ZNF180: variants seen among roughly 807,000 people sequenced by gnomAD.
The protein encoded by ZNF180 is zinc finger protein 180.
Under a neutral mutation model 11.8 loss-of-function variants are expected in ZNF180, and 11 were observed. That is an observed-to-expected ratio of 0.93 (90% confidence interval 0.59 to 1.55). The LOEUF (loss-of-function observed/expected upper bound fraction) is 1.55. ZNF180 is among the 40% of genes most tolerant of loss of function. ZNF180 has a pLI of 0.00. For synonymous variants in ZNF180, 287 were observed against 257.7 expected (o/e 1.11, Z -1.09); for missense variants, 773 against 781.7 (o/e 0.99, Z 0.13).
At chr19:44,481,303 T>G (rs1263469204) in intron 3 of ZNF180, among the ~76,000 whole-genome samples, 1 of 152,196 alleles carries the variant, frequency 6.6e-6, no homozygotes, top group African/African-American at 2.4e-5. Context: ...CTGCTGTATA[T>G]GCCTCTAAGT....
At position 44,500,347 on chromosome 19, in the gene ZNF180, G is replaced by A; in HGVS notation, c.-116C>T. The A allele has an allele frequency of 6.9e-7, 1 of 1,458,460 alleles. No homozygotes were observed. The highest frequency in any genetic ancestry group is 1.1e-5 in the South Asian group (1 of 87,190). 90.3% of individuals were successfully genotyped at this position (1,458,460 alleles called of 1,614,324 possible). A position where few individuals can be genotyped will look rare whatever the true frequency, so the allele number is the denominator to read the frequency against. On this transcript the variant is annotated 5_prime_UTR_variant, in exon 1 of 5. Transcript: ENST00000592529. ...AGTGCCTAGCACGGCTCTGCGGCAG[G>A]ACGAACTCGGGTTAGGCAACCCCCT...
At chr19:44,492,450 C>T (rs529497885) in intron 2 of ZNF180, among the ~76,000 whole-genome samples, 3 of 152,240 alleles carry the variant, frequency 2.0e-5, no homozygotes, top group East Asian at 3.9e-4. Context: ...GCAGACTTTA[C>T]GAAATGGGAA....
At chr19:44,483,303 C>A (rs984810558) in intron 3 of ZNF180, among the ~76,000 whole-genome samples, 4 of 152,110 alleles carry the variant, frequency 2.6e-5, no homozygotes, top group African/African-American at 9.7e-5. Flanking sequence ...TTTTTAAATT[C>A]TCTTTCAAGT....
chr19:44,497,547 C>T (rs955859460), intron 1 of ZNF180, among the ~76,000 whole-genome samples, 170 bp from the exon 2 acceptor site: 1 of 152,186 alleles, frequency 6.6e-6, no homozygotes, highest in South Asian at 2.1e-4. Context: ...TACTGAGAGT[C>T]CCTCAGTCCC....
Position 44,476,627 on chromosome 19 carries a change from T to C in ZNF180, c.1773A>G (p.Ser591=), listed in dbSNP as rs1969886696. ...GAGTTCTCTGATGTTGAGTAAGGCA[T>C]GAACTCTGTCTGAAGGACTTCCCAC... ...SQCGKSFRQS[S]CLTQHQRTHT... is the part of the protein sequence containing the mutation. The change falls in exon 5 of 5, where the codon TCA becomes TCG. Residue 591 remains serine, a synonymous_variant. Coordinates refer to ENST00000592529, the MANE Select transcript of ZNF180 (RefSeq NM_001278509.3). 6.2e-7 allele frequency: 1 copy of C among 1,613,950 alleles called. No homozygotes were observed. The highest frequency in any genetic ancestry group is 1.3e-5 in the African/African-American group (1 of 74,900).
Position 44,497,269 on chromosome 19 carries a change from T to C in ZNF180, c.51+15A>G. Reference sequence around the variant, plus strand: ...TCAGGCTGCAGACAGACCCAAGCTCTGGGTCTCCACTCACCTGTGCACAGA... The same window carrying C: ...TCAGGCTGCAGACAGACCCAAGCTCCGGGTCTCCACTCACCTGTGCACAGA... On this transcript the variant is annotated intron_variant, in intron 2 of 4. Coordinates refer to ENST00000592529, the MANE Select transcript of ZNF180 (RefSeq NM_001278509.3). The C allele has an allele frequency of 3.9e-6, 6 of 1,552,842 alleles. No individual in the cohort carries two copies. The highest frequency in any genetic ancestry group is 5.2e-6 in the Non-Finnish European group (6 of 1,157,644).
At position 44,476,706 on chromosome 19, in the gene ZNF180, A is replaced by G. The variant is rs139611070; in HGVS notation, c.1694T>C (p.Leu565Pro). ...CGKSFSQSYV[L>P]VVHQRTHTGE... The stretch of plus-strand genomic sequence containing the variant: ...AGTATGAGTTCTCTGATGTACAACA[A>G]GAACATAACTCTGGCTGAAGGATTT... The change falls in exon 5 of 5, where the codon CTT becomes CCT. Residue 565 changes from leucine to proline, a missense_variant. Leu to Pro is a moderately conservative substitution (Grantham distance 98, BLOSUM62 -3). Coordinates refer to ENST00000592529, the MANE Select transcript of ZNF180 (RefSeq NM_001278509.3). 14 of 1,614,222 alleles carry G rather than the reference A, an allele frequency of 8.7e-6. No homozygotes were observed. Among genetic ancestry groups the G allele is most frequent in the Non-Finnish European group, 1.2e-5 (14 of 1,180,016 alleles).
At chr19:44,486,696 G>T (rs1260027374) in intron 2 of ZNF180, among the ~76,000 whole-genome samples, 1 of 152,146 alleles carries the variant, frequency 6.6e-6, no homozygotes, top group Non-Finnish European at 1.5e-5. Context: ...TTGAGCCCAG[G>T]AGTTCGAGCC....
intron 1 of ZNF180, among the ~76,000 whole-genome samples, chr19:44,499,324 T>C (rs570380312): frequency 2.6e-5 from 4 of 152,264 alleles, no homozygotes; most frequent in East Asian, 3.9e-4. Context: ...GTCCCTCTAC[T>C]AACCTGCACA....
chr19:44,478,206 T>C, intron 4 of ZNF180, 60 bp from the exon 5 acceptor site: 1 of 1,448,470 alleles, frequency 6.9e-7, no homozygotes. Context: ...AAAAATGGAA[T>C]AAAGCTAACA....
intron 2 of ZNF180, among the ~76,000 whole-genome samples, chr19:44,489,231 G>C (rs1970354123): frequency 2.4e-5 from 3 of 124,750 alleles, no homozygotes; most frequent in Non-Finnish European, 3.6e-5. Context: ...ACCCCGTCTG[G>C]GAGGTGTACC....
At position 44,476,306 on chromosome 19, in the gene ZNF180, G is replaced by A. The variant is rs928382623; in HGVS notation, c.*96C>T. The A allele has an allele frequency of 9.2e-6, 11 of 1,194,540 alleles. No homozygotes were observed. In the African/African-American group the frequency reaches 1.1e-4, roughly 12 times the overall value. 74.0% of individuals were successfully genotyped at this position (1,194,540 alleles called of 1,614,324 possible). ...GGCTGGAAGTTTTCCCACATATATT[G>A]TTTTTATAGTAGTTCTTCCAACTAC... On this transcript the variant is annotated 3_prime_UTR_variant, in exon 5 of 5. Coordinates refer to ENST00000592529, the MANE Select transcript of ZNF180 (RefSeq NM_001278509.3).
At chr19:44,483,306 T>G (rs1428509994) in intron 3 of ZNF180, among the ~76,000 whole-genome samples, 1 of 152,256 alleles carries the variant, frequency 6.6e-6, no homozygotes, top group Non-Finnish European at 1.5e-5. Flanking sequence ...TTAAATTCTC[T>G]TTCAAGTATT....
Position 44,495,984 on chromosome 19 carries a change from T to C in ZNF180, c.51+1300A>G, listed in dbSNP as rs1261713841. ...TTAACAGTTTTAAGAAATTAAGAGT[T>C]TTCAAAGAATATTTGCGGTGGGAAA... is the stretch of plus-strand genomic sequence containing the variant. On this transcript the variant is annotated intron_variant, in intron 2 of 4. Transcript: ENST00000592529. The surrounding 1 kb of genome is among the most constrained non-coding windows in gnomAD (Gnocchi z 4.5). Among the ~76,000 whole-genome samples, 3 of 152,128 alleles carry C rather than the reference T, an allele frequency of 2.0e-5. No homozygotes were observed. The highest frequency in any genetic ancestry group is 4.8e-5 in the African/African-American group (2 of 41,432).
chr19:44,475,846 A>AT lies in ZNF180; in HGVS notation c.*555dup, dbSNP rs1249135038. On this transcript the variant is annotated 3_prime_UTR_variant, in exon 5 of 5. Transcript: ENST00000592529. ...ATTCTTTTCCCACACTTTTCACTATATATCATAGACACTTTCCTAAAATTT... is the reference window on the plus strand; with the variant it reads ...ATTCTTTTCCCACACTTTTCACTATATTATCATAGACACTTTCCTAAAATTT... 1 of 152,258 alleles carries AT rather than the reference A, an allele frequency of 6.6e-6. No homozygotes were observed. Among genetic ancestry groups the AT allele is most frequent in the African/African-American group, 2.4e-5 (1 of 41,448 alleles). The allele number at this position is 152,258 out of a possible 1,614,324, so 9.4% of individuals were successfully genotyped here. A position where few individuals can be genotyped will look rare whatever the true frequency, so the allele number is the denominator to read the frequency against.
At position 44,476,229 on chromosome 19, in the gene ZNF180, G is replaced by A. The variant is rs1352669944; in HGVS notation, c.*173C>T. On this transcript the variant is annotated 3_prime_UTR_variant, in exon 5 of 5. Transcript: ENST00000592529. ...TTGCCAGGTTGAAAAGTCGTTCATA[G>A]ACTTTCCCCCTTTCTTTTCCAGAAC... is the stretch of plus-strand genomic sequence containing the variant. The A allele has an allele frequency of 1.7e-6, 1 of 598,426 alleles. No individual in the cohort carries two copies. Among genetic ancestry groups the A allele is most frequent in the Non-Finnish European group, 2.7e-6 (1 of 370,256 alleles). 37.1% of individuals were successfully genotyped at this position (598,426 alleles called of 1,614,324 possible).
At chr19:44,500,178 G>A (rs369617459) in intron 1 of ZNF180, 97 bp downstream of exon 1, 2 of 1,614,128 alleles carry the variant, frequency 1.2e-6, no homozygotes, top group Non-Finnish European at 1.7e-6. Context: ...ACAGATACCA[G>A]GTCTCCCCGC....
chr19:44,490,806 T>C (rs1364761250), intron 2 of ZNF180, among the ~76,000 whole-genome samples: 1 of 152,238 alleles, frequency 6.6e-6, no homozygotes, highest in Non-Finnish European at 1.5e-5. Flanking sequence ...TTGCACCTCC[T>C]CTTGAATGCA....
Position 44,477,451 on chromosome 19 carries a change from T to C in ZNF180, c.949A>G (p.Met317Val), listed in dbSNP as rs774347065. The C allele has an allele frequency of 9.3e-6, 15 of 1,614,142 alleles. No individual in the cohort carries two copies. Among genetic ancestry groups the C allele is most frequent in the East Asian group, 2.2e-5 (1 of 44,888 alleles). The part of the protein sequence containing the change: ...TSHSSSLTQN[M>V]RNNSEEKPFE... ...GGTTTCTCTTCAGAATTATTTCTCA[T>C]GTTTTGAGTAAGGGAGGAACTATGA... Residue 317 changes from methionine (M) to valine (V), a missense_variant, in exon 5 of 5, where the codon ATG (methionine) becomes GTG (valine). Physicochemically the swap from Met to Val is conservative, Grantham distance 21 (BLOSUM62 1). Transcript: ENST00000592529.
Sources: gnomAD v4.1 joint callset for allele counts (sites outside exome capture counted in the v4.1 genomes callset) on GRCh38, gnomAD v4.1.1 for gene constraint, Gnocchi (gnomAD v3.1) non-coding constraint, MANE v1.5 for transcripts, NCBI Gene and HGNC (gene_info 2026-07-23, HGNC 2026-07-21) for gene names.